Variants in WASF2 observed in about 807,000 individuals in gnomAD.
WASF2 encodes the protein WASP family member 2.
WASF2 carries 14 observed loss-of-function variants against 45.0 expected under a neutral mutation model. The ratio of observed to expected loss-of-function variants is 0.31; its 90% confidence interval spans 0.21 to 0.49. The LOEUF (loss-of-function observed/expected upper bound fraction) is 0.49, where lower values mean the gene tolerates loss of function less well. Ranked by LOEUF, WASF2 falls within the 20% of genes least tolerant of loss-of-function variation. The pLI, the probability that WASF2 is intolerant of heterozygous loss-of-function variation, is 0.99. For missense variants in WASF2, 439 were observed against 636.1 expected, an observed-to-expected ratio of 0.69 and a Z score of 3.33; for synonymous variants, 200 against 236.3, an observed-to-expected ratio of 0.85 and a Z score of 1.41.
intron 1 of WASF2, among the ~76,000 whole-genome samples, chr1:27,487,232 C>T (rs1356104508): frequency 6.9e-6 from 1 of 145,646 alleles, no homozygotes; most frequent in Non-Finnish European, 1.5e-5. Flanking sequence ...TCCCGAGTAG[C>T]CGGGACTACA....
rs1178764123 is a variant in WASF2 at position 27,428,898 on chromosome 1, C to T, written c.-8G>A. The T allele has an allele frequency of 1.2e-5, 19 of 1,613,808 alleles. No homozygotes were observed. The highest frequency in any genetic ancestry group is 1.6e-5 in the Non-Finnish European group (19 of 1,179,998). ...CCTCGTTACTAACGGCATGGTGGAC[C>T]TGCTTCAGGCAATGTTCTGAATGGT... On this transcript the variant is annotated 5_prime_UTR_variant, in exon 2 of 9. Coordinates refer to ENST00000618852, the MANE Select transcript of WASF2 (RefSeq NM_006990.5).
chr1:27,469,668 G>A (rs893608681), intron 1 of WASF2, among the ~76,000 whole-genome samples: 17 of 152,292 alleles, frequency 1.1e-4, no homozygotes, highest in South Asian at 2.1e-4. Flanking sequence ...TTGACCAAGC[G>A]CAGTGGCTCA....
In WASF2 at chr1:27,454,149, GTGTGTATATATATA is replaced by G. The variant is rs1303302150; in HGVS notation, c.-43-25230_-43-25217del. On this transcript the variant is annotated intron_variant, in intron 1 of 8. Transcript: ENST00000618852. Reference sequence around the variant, plus strand: ...TGTATATATATATGTGTGTGTGTGTGTGTGTATATATATATATATATATATATATATATATATAT... The same window carrying G: ...TGTATATATATATGTGTGTGTGTGTGTATATATATATATATATATATATAT... 2.3e-4 allele frequency among the ~76,000 whole-genome samples: 19 copies of G among 83,648 alleles called. 1 individual carries two copies. Among genetic ancestry groups the G allele is most frequent in the African/African-American group, 5.9e-4 (12 of 20,224 alleles). The allele number at this position is 83,648 out of a possible 152,430, so 54.9% of individuals were successfully genotyped here.
At position 27,436,988 on chromosome 1, in the gene WASF2, A is replaced by G. The variant is rs905828409; in HGVS notation, c.-43-8055T>C. On this transcript the variant is annotated intron_variant, in intron 1 of 8. Transcript: ENST00000618852. ...CTTCTTGTCTTGATATGGCTTTAAG[A>G]CAGTAGCTGAGGAAACAGAACTTCT... is the stretch of plus-strand genomic sequence containing the variant. Among the ~76,000 whole-genome samples, 11 of 152,166 alleles carry G rather than the reference A, an allele frequency of 7.2e-5. No homozygotes were observed. In the East Asian group the frequency reaches 2.1e-3, roughly 29 times the overall value.
intron 1 of WASF2, among the ~76,000 whole-genome samples, chr1:27,463,621 T>TC (rs2017576977): frequency 1.4e-5 from 1 of 73,794 alleles, no homozygotes; most frequent in Non-Finnish European, 2.3e-5. Context: ...AGACTCTGTC[T>TC]CAAAAAAAAA....
chr1:27,473,797 A>C (rs1221046557), intron 1 of WASF2, among the ~76,000 whole-genome samples: 1 of 152,250 alleles, frequency 6.6e-6, no homozygotes, highest in Non-Finnish European at 1.5e-5. Context: ...AAAACAAGAA[A>C]GATAAGTATT....
At chr1:27,462,922 C>T (rs145107068) in intron 1 of WASF2, among the ~76,000 whole-genome samples, 1 of 152,238 alleles carries the variant, frequency 6.6e-6, no homozygotes, top group African/African-American at 2.4e-5. Context: ...TGCGTTCAAG[C>T]ATTTCTTGTG....
At chr1:27,412,829 A>AAT in intron 6 of WASF2, 102 bp from the exon 7 acceptor site, 1 of 1,348,920 alleles carries the variant, frequency 7.4e-7, no homozygotes, top group Non-Finnish European at 1.0e-6. Flanking sequence ...AAAAGCTATT[A>AAT]GGGAGAAGTA....
At chr1:27,440,804 A>T (rs2017213948) in intron 1 of WASF2, among the ~76,000 whole-genome samples, 1 of 152,250 alleles carries the variant, frequency 6.6e-6, no homozygotes, top group Non-Finnish European at 1.5e-5. Flanking sequence ...ACCACATAAC[A>T]ACATTTCAGT....
intron 1 of WASF2, among the ~76,000 whole-genome samples, chr1:27,431,326 T>A (rs2017060540): frequency 6.6e-6 from 1 of 152,172 alleles, no homozygotes; most frequent in Non-Finnish European, 1.5e-5. Flanking sequence ...CTCTTTTATT[T>A]AATGTAAAGG....
rs555432632 is a variant in WASF2 at position 27,408,301 on chromosome 1, C to G, written c.1385G>C (p.Arg462Pro). 1.2e-6 allele frequency: 2 copies of G among 1,614,210 alleles called. No homozygotes were observed. Among genetic ancestry groups the G allele is most frequent in the Middle Eastern group, 1.6e-4 (1 of 6,062 alleles). Residue 462 changes from arginine (R) to proline (P), a missense_variant, in exon 9 of 9, where the codon CGG (arginine) becomes CCG (proline). Around this residue, in one of 5 missense-constraint regions of WASF2, gnomAD observed 286 missense variants for 373.5 expected, o/e 0.77. Transcript: ENST00000618852. Reference sequence around the variant, plus strand: ...GGCCACGTCATTGCCCACAACATCCCGCTTCTCTTGTTCCCGCTGCTCCTC... The same window carrying G: ...GGCCACGTCATTGCCCACAACATCCGGCTTCTCTTGTTCCCGCTGCTCCTC... ...RVEEQREQEK[R>P]DVVGNDVATI...
In WASF2 at chr1:27,487,666, T is replaced by TA. The variant is rs1557626741; in HGVS notation, c.-44+2319dup. On this transcript the variant is annotated intron_variant, in intron 1 of 8. Transcript: ENST00000618852. ...ATATTATATATTATATAATATATAT[T>TA]ATATATATTTTATATAATATATAAT... 2.2e-3 allele frequency among the ~76,000 whole-genome samples: 227 copies of TA among 104,600 alleles called. 1 individual carries two copies. Among genetic ancestry groups the TA allele is most frequent in the Non-Finnish European group, 3.6e-3 (201 of 56,234 alleles). The allele number at this position is 104,600 out of a possible 152,430, so 68.6% of individuals were successfully genotyped here. A position where few individuals can be genotyped will look rare whatever the true frequency, so the allele number is the denominator to read the frequency against.
chr1:27,485,381 G>C (rs2017909500), intron 1 of WASF2, among the ~76,000 whole-genome samples: 1 of 151,926 alleles, frequency 6.6e-6, no homozygotes, highest in South Asian at 2.1e-4. Flanking sequence ...GCAGAAGTTT[G>C]AGACCAGCCT....
intron 2 of WASF2, among the ~76,000 whole-genome samples, chr1:27,427,096 C>T (rs895821597): frequency 3.0e-4 from 45 of 152,234 alleles, no homozygotes; most frequent in African/African-American, 1.0e-3. Flanking sequence ...TATTGAGTAT[C>T]CCCTCAGCAG....
chr1:27,419,302 T>TA (rs2016869858), intron 2 of WASF2, among the ~76,000 whole-genome samples: 1 of 152,352 alleles, frequency 6.6e-6, no homozygotes, highest in East Asian at 1.9e-4. Context: ...CTATAACTAA[T>TA]AGAGTCTTCT....
In WASF2 at chr1:27,405,116, T is replaced by C. The variant is rs959368247; in HGVS notation, c.*3073A>G. 6.6e-6 allele frequency: 1 copy of C among 152,344 alleles called. No individual in the cohort carries two copies. Among genetic ancestry groups the C allele is most frequent in the African/African-American group, 2.4e-5 (1 of 41,432 alleles). The allele number at this position is 152,344 out of a possible 1,614,324, so 9.4% of individuals were successfully genotyped here. ...AAGCTGGCACTGCAGAGTCAGAGGA[T>C]GGGCGCCACGGGAAGAGATTTCACA... On this transcript the variant is annotated 3_prime_UTR_variant, in exon 9 of 9. Coordinates refer to ENST00000618852, the MANE Select transcript of WASF2 (RefSeq NM_006990.5).
At chr1:27,438,787 T>C (rs1383557794) in intron 1 of WASF2, among the ~76,000 whole-genome samples, 1 of 152,176 alleles carries the variant, frequency 6.6e-6, no homozygotes, top group African/African-American at 2.4e-5. Flanking sequence ...CAAATTGCCA[T>C]GCAATTCCAT....
intron 1 of WASF2, among the ~76,000 whole-genome samples, chr1:27,472,650 CAAA>C (rs1206351562): frequency 1.2e-3 from 74 of 59,236 alleles, no homozygotes; most frequent in Admixed American, 3.2e-3. Flanking sequence ...ACCCCGTCTC[CAAA>C]AAAAAAAAAA....
intron 1 of WASF2, among the ~76,000 whole-genome samples, chr1:27,469,014 T>G (rs1230881000): frequency 6.6e-6 from 1 of 151,910 alleles, no homozygotes; most frequent in Non-Finnish European, 1.5e-5. Flanking sequence ...AAACCAAATG[T>G]TCAGAGAGAA....
Sources: gnomAD v4.1 joint callset for allele counts (sites outside exome capture counted in the v4.1 genomes callset) on GRCh38, gnomAD v4.1.1 for gene constraint, gnomAD v4.1.1 regional missense constraint, MANE v1.5 for transcripts, NCBI Gene and HGNC (gene_info 2026-07-23, HGNC 2026-07-21) for gene names.